EFHC1: variants seen among roughly 807,000 people sequenced by gnomAD.
EFHC1 encodes the protein EF-hand domain containing 1.
EFHC1 carries 53 observed loss-of-function variants against 69.9 expected under a neutral mutation model. That is an observed-to-expected ratio of 0.76 (90% CI 0.61 to 0.95). The LOEUF is 0.95. Ranked by LOEUF, EFHC1 falls within the 40% of genes least tolerant of loss-of-function variation. The probability of loss-of-function intolerance (pLI) is 0.00; values close to 1 mark genes in which losing one functional copy is unlikely to be tolerated. For synonymous variants in EFHC1, 256 were observed against 278.4 expected (o/e 0.92, Z 0.80); for missense variants, 739 against 798.7 (o/e 0.93, Z 0.90).
chr6:52,427,922 A>C (rs1333405757), intron 2 of EFHC1, among the ~76,000 whole-genome samples: 1 of 148,122 alleles, frequency 6.8e-6, no homozygotes, highest in Non-Finnish European at 1.5e-5. Context: ...CATTCTGAGC[A>C]CTTCCTGGGA....
chr6:52,441,423 C>T (rs1339362494), intron 3 of EFHC1, among the ~76,000 whole-genome samples: 2 of 152,016 alleles, frequency 1.3e-5, no homozygotes, highest in African/African-American at 4.8e-5. Context: ...GGTGTGTAGC[C>T]TTATTTCTGA....
Position 52,452,828 on chromosome 6 carries a change from T to G in EFHC1, c.714T>G (p.Phe238Leu). The G allele has an allele frequency of 6.2e-7, 1 of 1,614,186 alleles. No homozygotes were observed. Among genetic ancestry groups the G allele is most frequent in the South Asian group, 1.1e-5 (1 of 91,086 alleles). Residue 238 changes from phenylalanine to leucine, a missense_variant, in exon 4 of 11, where the codon TTT (phenylalanine) becomes TTG (leucine). Transcript: ENST00000371068. ...DFDQLKQFLT[F>L]DKQVLRFYAI... is the part of the protein sequence containing the mutation. ...ATCAACTCAAGCAATTTCTCACCTT[T>G]GACAAACAGGTAAGTGACATAGGAA...
At chr6:52,471,647 C>T (rs187870095) in intron 7 of EFHC1, among the ~76,000 whole-genome samples, 2 of 152,234 alleles carry the variant, frequency 1.3e-5, no homozygotes, top group African/African-American at 4.8e-5. Context: ...GGGCAGATCA[C>T]TTGAGGTCAG....
intron 3 of EFHC1, among the ~76,000 whole-genome samples, chr6:52,439,331 T>G (rs1013202472): frequency 1.3e-5 from 2 of 152,156 alleles, no homozygotes; most frequent in African/African-American, 2.4e-5. Flanking sequence ...GTGCCATATG[T>G]GACTAATTTT....
At chr6:52,473,040 T>C (rs1765471768) in intron 7 of EFHC1, among the ~76,000 whole-genome samples, 1 of 152,164 alleles carries the variant, frequency 6.6e-6, no homozygotes, top group Non-Finnish European at 1.5e-5. Flanking sequence ...ACAGACAAAT[T>C]GATTCTATAA....
At position 52,424,053 on chromosome 6, in the gene EFHC1, G is replaced by C. The variant is rs1764250699; in HGVS notation, c.171G>C (p.Leu57=). The C allele has an allele frequency of 2.5e-6, 4 of 1,614,034 alleles. No homozygotes were observed. The highest frequency in any genetic ancestry group is 3.4e-6 in the Non-Finnish European group (4 of 1,180,034). The part of the protein sequence containing the change: ...IGGDRLQFNQ[L]SQAELDELAS... ...GAGACCGGCTCCAGTTCAACCAGCT[G>C]TCCCAGGCTGAGCTGGATGAGTTGG... The change falls in exon 2 of 11, where the codon CTG becomes CTC. Residue 57 remains leucine (L), a synonymous_variant. Coordinates refer to ENST00000371068, the MANE Select transcript of EFHC1 (RefSeq NM_018100.4).
intron 3 of EFHC1, among the ~76,000 whole-genome samples, chr6:52,447,066 C>T (rs1043535312): frequency 1.6e-4 from 24 of 152,154 alleles, no homozygotes; most frequent in African/African-American, 5.8e-4. Context: ...CAAGGAGTAT[C>T]TTTGTGGCAT....
intron 9 of EFHC1, chr6:52,484,662 A>G (rs982259389): frequency 1.2e-4 from 18 of 152,356 alleles, no homozygotes; most frequent in African/African-American, 4.3e-4. Flanking sequence ...TTTTGACTTC[A>G]CAGACCCCTG....
chr6:52,454,198 G>T lies in EFHC1; in HGVS notation c.827G>T (p.Arg276Leu). 6.2e-7 allele frequency: 1 copy of T among 1,614,082 alleles called. No individual in the cohort carries two copies. The highest frequency in any genetic ancestry group is 1.1e-5 in the South Asian group (1 of 91,072). Residue 276 changes from arginine (R) to leucine (L), a missense_variant, in exon 5 of 11, where the codon CGA becomes CTA. Coordinates refer to ENST00000371068, the MANE Select transcript of EFHC1 (RefSeq NM_018100.4). ...YYLMDDTVEI[R>L]EVHERNDGRD... ...CTTATGGATGATACGGTGGAAATTCGAGAGGTCCACGAACGGAATGATGGG... is the reference window on the plus strand; with the variant it reads ...CTTATGGATGATACGGTGGAAATTCTAGAGGTCCACGAACGGAATGATGGG...
chr6:52,431,133 T>G (rs1764403971), intron 2 of EFHC1, among the ~76,000 whole-genome samples: 1 of 152,170 alleles, frequency 6.6e-6, no homozygotes, highest in African/African-American at 2.4e-5. Context: ...TTTATGTAGC[T>G]TTTCAAAGAA....
chr6:52,491,031 A>C (rs926642231), intron 10 of EFHC1: 16 of 152,342 alleles, frequency 1.1e-4, no homozygotes, highest in African/African-American at 3.9e-4. Context: ...CTTTTTAAAG[A>C]TCTTTTAGCC....
chr6:52,436,268 T>C (rs1367831769), intron 2 of EFHC1, among the ~76,000 whole-genome samples: 2 of 152,246 alleles, frequency 1.3e-5, no homozygotes, highest in Non-Finnish European at 2.9e-5. Flanking sequence ...TTTATCTTTT[T>C]ATTATGAGTT....
chr6:52,462,442 A>G (rs937467515), intron 5 of EFHC1, among the ~76,000 whole-genome samples: 1 of 142,628 alleles, frequency 7.0e-6, no homozygotes, highest in Non-Finnish European at 1.6e-5. Context: ...ATAAAATAAG[A>G]GGCTGAAAAT....
chr6:52,484,903 A>G (rs951329688), intron 9 of EFHC1, among the ~76,000 whole-genome samples: 2 of 152,208 alleles, frequency 1.3e-5, no homozygotes, highest in Admixed American at 1.3e-4. Context: ...TATTGAATAT[A>G]TAAATATCAA....
In EFHC1 at chr6:52,494,370, TTTC is replaced by T. The variant is rs1451839427; in HGVS notation, c.*2035_*2037del. 10 of 454,106 alleles carry T rather than the reference TTTC, an allele frequency of 2.2e-5. No individual in the cohort carries two copies. Among genetic ancestry groups the T allele is most frequent in the African/African-American group, 6.0e-5 (3 of 50,114 alleles). 28.1% of individuals were successfully genotyped at this position (454,106 alleles called of 1,614,324 possible). On this transcript the variant is annotated 3_prime_UTR_variant, in exon 11 of 11. Coordinates refer to ENST00000371068, the MANE Select transcript of EFHC1 (RefSeq NM_018100.4). ...GTGTATACTGGGGTGATGATAGTGG[TTTC>T]TTCTTACTCCCTTCTTTCTGTCTTC...
Position 52,493,805 on chromosome 6 carries a change from C to T in EFHC1, c.*1464C>T, listed in dbSNP as rs978425333. On this transcript the variant is annotated 3_prime_UTR_variant, in exon 11 of 11. Transcript: ENST00000371068. ...TTTGGTTGAAGTCAGCCACTAAGTT[C>T]ATCTTTAAACATGCTATCTCAAATT... The T allele has an allele frequency of 1.8e-5, 8 of 453,948 alleles. No individual in the cohort carries two copies. The highest frequency in any genetic ancestry group is 2.6e-5 in the Non-Finnish European group (6 of 226,792). 28.1% of individuals were successfully genotyped at this position (453,948 alleles called of 1,614,324 possible). A position where few individuals can be genotyped will look rare whatever the true frequency, so the allele number is the denominator to read the frequency against.
At chr6:52,431,848 A>G (rs991706156) in intron 2 of EFHC1, among the ~76,000 whole-genome samples, 4 of 152,080 alleles carry the variant, frequency 2.6e-5, no homozygotes, top group Admixed American at 6.6e-5. Flanking sequence ...TCTTAGGTCT[A>G]TTAGTAATTG....
intron 6 of EFHC1, among the ~76,000 whole-genome samples, chr6:52,465,920 A>G (rs529501765): frequency 1.3e-5 from 2 of 149,600 alleles, no homozygotes; most frequent in South Asian, 2.1e-4. Flanking sequence ...ATATGATAGG[A>G]CACATCATAA....
At position 52,495,991 on chromosome 6, in the gene EFHC1, A is replaced by C. The variant is rs6939970; in HGVS notation, c.*3650A>C. The C allele has an allele frequency of 7.6e-3, 1,616 of 213,382 alleles. 27 individuals carry two copies. The highest frequency in any genetic ancestry group is 0.034 in the African/African-American group (1,488 of 43,388). 13.2% of individuals were successfully genotyped at this position (213,382 alleles called of 1,614,324 possible). ...GGAGCCACAAACGTCAGAGCAAATC[A>C]CTTTTTCTACTAAAATCCTGAATGG... On this transcript the variant is annotated 3_prime_UTR_variant, in exon 11 of 11. Coordinates refer to ENST00000371068, the MANE Select transcript of EFHC1 (RefSeq NM_018100.4).
Sources: gnomAD v4.1 joint callset for allele counts (sites outside exome capture counted in the v4.1 genomes callset) on GRCh38, gnomAD v4.1.1 for gene constraint, MANE v1.5 for transcripts, NCBI Gene and HGNC (gene_info 2026-07-23, HGNC 2026-07-21) for gene names.